Variants in ERICH6B observed in about 807,000 individuals in gnomAD.
The protein encoded by ERICH6B is glutamate-rich protein 6B.
In ERICH6B, 69 loss-of-function variants were observed where a neutral mutation model predicts 80.0. The observed-to-expected ratio is 0.86, with a 90% CI of 0.71 to 1.05. The LOEUF is 1.05. ERICH6B is among the 50% of genes least tolerant of loss of function. ERICH6B has a pLI of 0.00. For missense variants in ERICH6B, 754 were observed against 796.1 expected (o/e 0.95, Z 0.64); for synonymous variants, 283 against 291.9 (o/e 0.97, Z 0.31).
intron 4 of ERICH6B, among the ~76,000 whole-genome samples, chr13:45,588,426 C>T (rs115521815): frequency 0.02 from 3,017 of 152,240 alleles, 96 homozygotes; most frequent in African/African-American, 0.069. Context: ...GGCAGGTGAC[C>T]GCAGGGATTA....
chr13:45,568,092 C>T (rs773579262), intron 9 of ERICH6B, among the ~76,000 whole-genome samples: 40 of 152,310 alleles, frequency 2.6e-4, no homozygotes, highest in Non-Finnish European at 5.1e-4. Flanking sequence ...AATATCCTTG[C>T]TCTTGAGTTT....
chr13:45,567,244 A>C (rs1874955390), intron 9 of ERICH6B, among the ~76,000 whole-genome samples: 1 of 152,252 alleles, frequency 6.6e-6, no homozygotes, highest in African/African-American at 2.4e-5. Flanking sequence ...GCCTTGTCTC[A>C]GATGAGACTT....
rs1487856494 is a variant in ERICH6B, at chr13:45,568,303, C to T, written c.1187+12G>A. The T allele has an allele frequency of 2.0e-6, 3 of 1,535,614 alleles. No homozygotes were observed. Among genetic ancestry groups the T allele is most frequent in the Admixed American group, 2.1e-5 (1 of 48,758 alleles). ...TCCACTGACCAATCACTTGGCCTCA[C>T]CAGTTACTTACATAATTACCAGTTT... is the stretch of plus-strand genomic sequence containing the variant. On this transcript the variant is annotated intron_variant, in intron 9 of 14. Coordinates refer to ENST00000298738, the MANE Select transcript of ERICH6B (RefSeq NM_182542.3).
At chr13:45,599,211 C>A (rs1425347544) in intron 2 of ERICH6B, among the ~76,000 whole-genome samples, 1 of 152,126 alleles carries the variant, frequency 6.6e-6, no homozygotes, top group Non-Finnish European at 1.5e-5. Flanking sequence ...CACTGGTAGC[C>A]TGATCACTTA....
chr13:45,580,777 C>T, intron 5 of ERICH6B, 112 bp from the exon 6 acceptor site: 3 of 1,077,862 alleles, frequency 2.8e-6, no homozygotes, highest in Non-Finnish European at 4.1e-6. Flanking sequence ...CAAGGCTGGT[C>T]AACAGTTGGG....
rs115031064 is a variant in ERICH6B, at chr13:45,596,746, C to T, written c.260G>A (p.Gly87Glu). ...TTCCTCCTCCAGATGCTCTTCCTTC[C>T]CCAGATACTCTTCCTCCTTCAAGTA... Reference protein sequence around the residue: ...EEYLKEEEYLGKEEHLEEEEY... With the variant: ...EEYLKEEEYLEKEEHLEEEEY... Residue 87 changes from glycine to glutamate, a missense_variant, in exon 3 of 15, where the codon GGG (glycine) becomes GAG (glutamate). Physicochemically the swap from Gly to Glu is moderately conservative, Grantham distance 98. Transcript: ENST00000298738. 3.9e-3 allele frequency: 5,978 copies of T among 1,551,654 alleles called. 186 individuals carry two copies. In the African/African-American group the frequency reaches 0.07, roughly 18 times the overall value.
rs1382408126 is a variant in ERICH6B at position 45,597,012 on chromosome 13, G to A, written c.-7C>T. On this transcript the variant is annotated 5_prime_UTR_variant, in exon 3 of 15. Coordinates refer to ENST00000298738, the MANE Select transcript of ERICH6B (RefSeq NM_182542.3). Reference sequence around the variant, plus strand: ...GATTATTTTCAGCAGACATGCTGGGGAAGTCGTAGGTGGTGAACTCCTTCT... The same window carrying A: ...GATTATTTTCAGCAGACATGCTGGGAAAGTCGTAGGTGGTGAACTCCTTCT... 2 of 1,534,844 alleles carry A rather than the reference G, an allele frequency of 1.3e-6. No homozygotes were observed.
At chr13:45,551,714 G>A (rs1045857091) in intron 11 of ERICH6B, 14 of 152,168 alleles carry the variant, frequency 9.2e-5, no homozygotes, top group African/African-American at 2.4e-5. Flanking sequence ...CCTAATGGGA[G>A]GTATTTAGGT....
intron 5 of ERICH6B, among the ~76,000 whole-genome samples, chr13:45,584,975 A>G (rs761468530): frequency 4.6e-5 from 7 of 151,732 alleles, no homozygotes; most frequent in Admixed American, 1.3e-4. Flanking sequence ...GCACTTCCCT[A>G]CCTTCCTGGA....
At chr13:45,579,585 C>T (rs1875568850) in intron 7 of ERICH6B, among the ~76,000 whole-genome samples, 1 of 152,204 alleles carries the variant, frequency 6.6e-6, no homozygotes, top group Admixed American at 6.5e-5. Context: ...GCATAGGACC[C>T]TGAGTCTATC....
intron 1 of ERICH6B, among the ~76,000 whole-genome samples, chr13:45,611,186 C>A (rs1359991739): frequency 2.0e-5 from 3 of 152,148 alleles, no homozygotes; most frequent in Non-Finnish European, 4.4e-5. Context: ...TAGCATCCAA[C>A]CGAATGCTAG....
chr13:45,572,461 A>G (rs1875214885), intron 8 of ERICH6B, among the ~76,000 whole-genome samples: 1 of 152,214 alleles, frequency 6.6e-6, no homozygotes, highest in African/African-American at 2.4e-5. Context: ...CTCCTACGCC[A>G]TATTGTTTCC....
intron 9 of ERICH6B, among the ~76,000 whole-genome samples, chr13:45,566,325 T>C (rs1874911320): frequency 6.6e-6 from 1 of 152,254 alleles, no homozygotes; most frequent in South Asian, 2.1e-4. Context: ...TGCAGAAATT[T>C]GCATAAGTAA....
chr13:45,580,598 T>C lies in ERICH6B; in HGVS notation c.919+5A>G. 13 of 1,551,582 alleles carry C rather than the reference T, an allele frequency of 8.4e-6. No individual in the cohort carries two copies. The highest frequency in any genetic ancestry group is 1.1e-5 in the Non-Finnish European group (13 of 1,146,890). On this transcript the variant is annotated splice_donor_5th_base_variant and intron_variant, in intron 6 of 14. Coordinates refer to ENST00000298738, the MANE Select transcript of ERICH6B (RefSeq NM_182542.3). ...CAGATCATTTAAAATCATCATAAAC[T>C]TTACCTTCCGGAGCCAGCTTCGTGG...
At chr13:45,567,308 G>T (rs766992714) in intron 9 of ERICH6B, among the ~76,000 whole-genome samples, 4 of 152,214 alleles carry the variant, frequency 2.6e-5, no homozygotes, top group African/African-American at 4.8e-5. Context: ...TTGGGGGACT[G>T]TTGGGAAGGC....
At chr13:45,574,964 G>T in intron 7 of ERICH6B, 34 bp from the exon 8 acceptor site, 1 of 1,415,644 alleles carries the variant, frequency 7.1e-7, no homozygotes, top group Non-Finnish European at 9.7e-7. Context: ...GAAAGGAAGG[G>T]CATGTGGAAA....
chr13:45,603,042 G>A (rs372185071), intron 2 of ERICH6B, among the ~76,000 whole-genome samples: 19 of 152,334 alleles, frequency 1.2e-4, no homozygotes, highest in African/African-American at 3.8e-4. Flanking sequence ...GGAGGCTTAA[G>A]ACATGGAGGA....
intron 11 of ERICH6B, among the ~76,000 whole-genome samples, chr13:45,559,369 T>A (rs1874573465): frequency 6.6e-6 from 1 of 151,688 alleles, no homozygotes; most frequent in African/African-American, 2.4e-5. Flanking sequence ...TTGTTTCATT[T>A]TTCTTTCTTT....
intron 2 of ERICH6B, among the ~76,000 whole-genome samples, chr13:45,600,198 C>A (rs1949817642): frequency 6.6e-6 from 1 of 152,132 alleles, no homozygotes; most frequent in Non-Finnish European, 1.5e-5. Flanking sequence ...ACTTCTAACT[C>A]CCACTGGCTG....
Sources: allele counts gnomAD v4.1 joint callset (sites outside exome capture counted in the v4.1 genomes callset), GRCh38; gene constraint gnomAD v4.1.1; transcripts MANE v1.5; gene names NCBI Gene and HGNC (gene_info 2026-07-23, HGNC 2026-07-21).